TJP1: variants seen among roughly 807,000 people sequenced by gnomAD.
The protein encoded by TJP1 is tight junction protein ZO-1.
In TJP1, 43 loss-of-function variants were observed where a neutral mutation model predicts 194.2. The ratio of observed to expected loss-of-function variants is 0.22; its 90% CI spans 0.17 to 0.29. The LOEUF (loss-of-function observed/expected upper bound fraction) is 0.29. Among genes scored for constraint, TJP1 ranks in the 10% least tolerant of loss-of-function variants. The pLI is 1.00. For missense variants in TJP1, 1,971 were observed against 2,185.7 expected (o/e 0.90, Z 1.96); for synonymous variants, 801 against 779.0 (o/e 1.03, Z -0.47).
intron 2 of TJP1, among the ~76,000 whole-genome samples, chr15:29,795,416 CAAA>C (rs1221313122): frequency 2.0e-5 from 2 of 100,768 alleles, no homozygotes. Context: ...GACTCTGTCT[CAAA>C]AAAAAAAAAA....
chr15:29,913,968 G>A (rs1162893298), intron 2 of TJP1, among the ~76,000 whole-genome samples: 1 of 152,156 alleles, frequency 6.6e-6, no homozygotes, highest in Non-Finnish European at 1.5e-5. Flanking sequence ...AATCTTCAAA[G>A]CCTTTCTCAG....
intron 2 of TJP1, among the ~76,000 whole-genome samples, chr15:29,839,866 A>G (rs1427953495): frequency 6.6e-6 from 1 of 152,190 alleles, no homozygotes. Context: ...CCTACCACCA[A>G]TGTAGGAGTG....
At position 29,928,733 on chromosome 15, in the gene TJP1, G is replaced by T. The variant is rs527614776; in HGVS notation, c.306+27499C>A. 2.0e-5 allele frequency among the ~76,000 whole-genome samples: 3 copies of T among 152,248 alleles called. No individual in the cohort carries two copies. The East Asian group carries it at 5.8e-4, about 29-fold the overall frequency. Reference sequence around the variant, plus strand: ...CCAAGGCGGGCAGATCACGAGGTCAGGAGATCGAGACCATCCTGGCTAACA... The same window carrying T: ...CCAAGGCGGGCAGATCACGAGGTCATGAGATCGAGACCATCCTGGCTAACA... On this transcript the variant is annotated intron_variant, in intron 2 of 28. Coordinates refer to the TJP1 transcript ENST00000356107.
At chr15:29,782,254 A>G (rs1425643338) in intron 2 of TJP1, among the ~76,000 whole-genome samples, 1 of 152,182 alleles carries the variant, frequency 6.6e-6, no homozygotes, top group Admixed American at 6.5e-5. Context: ...ATCCTAAGCA[A>G]AAAGAACAAA....
chr15:29,916,196 C>T (rs1009672518), intron 2 of TJP1, among the ~76,000 whole-genome samples: 1 of 147,616 alleles, frequency 6.8e-6, no homozygotes, highest in African/African-American at 2.5e-5. Flanking sequence ...AGTGAGATTG[C>T]GCCACTGTAC....
intron 2 of TJP1, among the ~76,000 whole-genome samples, chr15:29,855,819 G>GCACTC (rs971816072): frequency 1.3e-5 from 2 of 151,266 alleles, no homozygotes; most frequent in African/African-American, 4.9e-5. Flanking sequence ...TAACAACACT[G>GCACTC]CACTCCAGCC....
intron 2 of TJP1, among the ~76,000 whole-genome samples, chr15:29,857,677 G>C (rs1430053023): frequency 6.6e-6 from 1 of 152,078 alleles, no homozygotes; most frequent in Non-Finnish European, 1.5e-5. Flanking sequence ...CTTGCCTTTG[G>C]GGACTGGGAG....
chr15:29,837,670 T>C (rs993233002), intron 2 of TJP1, among the ~76,000 whole-genome samples: 2 of 152,204 alleles, frequency 1.3e-5, no homozygotes, highest in African/African-American at 4.8e-5. Flanking sequence ...AAAACATAAA[T>C]ACAACATGGC....
chr15:29,767,128 G>A (rs1054690360), intron 4 of TJP1, among the ~76,000 whole-genome samples: 1 of 152,188 alleles, frequency 6.6e-6, no homozygotes, highest in African/African-American at 2.4e-5. Context: ...TGTACTCCCA[G>A]TCTAGGTGCA....
At chr15:29,968,594 C>T in intron 1 of TJP1, 1 of 916,656 alleles carries the variant, frequency 1.1e-6, no homozygotes, top group Non-Finnish European at 1.3e-6. Flanking sequence ...CCGCCGCTCG[C>T]TCTCCCACTC....
chr15:29,728,294 C>A, intron 15 of TJP1: 1 of 318,830 alleles, frequency 3.1e-6, no homozygotes, highest in East Asian at 6.2e-5. Flanking sequence ...TTGCCTGGGG[C>A]TCTAATATGG....
chr15:29,768,743 T>G (rs574615792), intron 4 of TJP1, among the ~76,000 whole-genome samples: 3 of 152,194 alleles, frequency 2.0e-5, no homozygotes, highest in Non-Finnish European at 4.4e-5. Flanking sequence ...TCTCTACTTA[T>G]GAATCAACAG....
chr15:29,807,419 A>T lies in TJP1; in HGVS notation c.28-6717T>A, dbSNP rs561430949. Among the ~76,000 whole-genome samples, 5 of 152,322 alleles carry T rather than the reference A, an allele frequency of 3.3e-5. No homozygotes were observed. In the East Asian group the frequency reaches 5.8e-4, roughly 18 times the overall value. Reference sequence around the variant, plus strand: ...GAGTGCTTTCAAGTTATCAAAAATAAAACTATTTTTAGGTATAGCATCTTC... The same window carrying T: ...GAGTGCTTTCAAGTTATCAAAAATATAACTATTTTTAGGTATAGCATCTTC... On this transcript the variant is annotated intron_variant, in intron 1 of 27. Transcript: ENST00000614355.
In TJP1 at chr15:29,701,709, G is replaced by A; in HGVS notation, c.5213-20C>T. On this transcript the variant is annotated intron_variant, in intron 27 of 27. Transcript: ENST00000614355. Reference sequence around the variant, plus strand: ...GATCACCTATGAGAGAAAAGAAGTTGATGTCATTTACAGTTCAGTAAACTG... The same window carrying A: ...GATCACCTATGAGAGAAAAGAAGTTAATGTCATTTACAGTTCAGTAAACTG... 1.3e-6 allele frequency: 2 copies of A among 1,586,008 alleles called. No individual in the cohort carries two copies. The highest frequency in any genetic ancestry group is 1.7e-6 in the Non-Finnish European group (2 of 1,154,638).
At chr15:29,914,629 G>A (rs2054126202) in intron 2 of TJP1, among the ~76,000 whole-genome samples, 1 of 152,136 alleles carries the variant, frequency 6.6e-6, no homozygotes, top group Non-Finnish European at 1.5e-5. Context: ...GGAGGCTCCA[G>A]GGAACATATG....
chr15:29,707,087 C>G lies in TJP1; in HGVS notation c.4851-1342G>C, dbSNP rs150935402. Among the ~76,000 whole-genome samples, 5 of 152,272 alleles carry G rather than the reference C, an allele frequency of 3.3e-5. No homozygotes were observed. The East Asian group carries it at 9.7e-4, about 29-fold the overall frequency. ...GCCTCAGCATTCCCTGAGGACCAAG[C>G]GCCCGCTCTGGCTGTAGGAGGCAAG... On this transcript the variant is annotated intron_variant, in intron 25 of 27. Coordinates refer to ENST00000614355, the MANE Select transcript of TJP1 (RefSeq NM_001330239.4).
chr15:29,889,590 T>C (rs1395632733), intron 2 of TJP1, among the ~76,000 whole-genome samples: 1 of 152,254 alleles, frequency 6.6e-6, no homozygotes, highest in Admixed American at 6.5e-5. Flanking sequence ...ACAGTTCTTT[T>C]GGACATTACA....
chr15:29,734,253 C>T (rs375620458), intron 12 of TJP1, 21 bp downstream of exon 12: 2 of 1,534,142 alleles, frequency 1.3e-6, no homozygotes, highest in Non-Finnish European at 1.8e-6. Flanking sequence ...TTATCTCCTC[C>T]ATTTTCTGAC....
chr15:29,730,358 A>G (rs925753009), intron 15 of TJP1, among the ~76,000 whole-genome samples: 1 of 152,172 alleles, frequency 6.6e-6, no homozygotes, highest in South Asian at 2.1e-4. Flanking sequence ...AAGGCCAGAG[A>G]TCACTTGAGC....
Sources: allele counts gnomAD v4.1 joint callset (sites outside exome capture counted in the v4.1 genomes callset), GRCh38; gene constraint gnomAD v4.1.1; transcripts MANE v1.5; gene names NCBI Gene and HGNC (gene_info 2026-07-23, HGNC 2026-07-21).